EFHD1: variants seen among roughly 807,000 people sequenced by gnomAD.
EFHD1 encodes the protein EF-hand domain-containing protein D1.
Under a neutral mutation model 17.2 loss-of-function variants are expected in EFHD1, and 10 were observed. The ratio of observed to expected loss-of-function variants is 0.58; its 90% CI spans 0.36 to 0.99. The LOEUF is 0.99. Ranked by LOEUF, EFHD1 falls within the 50% of genes least tolerant of loss-of-function variation. The pLI is 0.01. For missense variants in EFHD1, 310 were observed against 327.5 expected (o/e 0.95, Z 0.41); for synonymous variants, 153 against 142.0 (o/e 1.08, Z -0.55).
At position 232,639,194 on chromosome 2, in the gene EFHD1, A is replaced by C. The variant is rs571382707; in HGVS notation, c.302+5188A>C. ...CACCATCCTTGTTACAGAGCCATCG[A>C]ATTTTATGAGAATTTGAATAATGGA... On this transcript the variant is annotated intron_variant, in intron 1 of 3. Transcript: ENST00000264059. 4.5e-4 allele frequency among the ~76,000 whole-genome samples: 69 copies of C among 152,232 alleles called. No individual in the cohort carries two copies. The South Asian group carries it at 0.013, about 29-fold the overall frequency.
intron 1 of EFHD1, among the ~76,000 whole-genome samples, chr2:232,660,355 C>G (rs940536665): frequency 2.0e-5 from 3 of 151,658 alleles, no homozygotes; most frequent in Non-Finnish European, 2.9e-5. Flanking sequence ...CCACCACGCC[C>G]GGCTCATTTT....
intron 1 of EFHD1, among the ~76,000 whole-genome samples, chr2:232,612,855 C>T (rs1057155137): frequency 6.6e-6 from 1 of 151,446 alleles, no homozygotes; most frequent in Non-Finnish European, 1.5e-5. Flanking sequence ...GCCTCAGCCT[C>T]CCAAGTAGGT....
At chr2:232,660,281 G>C (rs1050445711) in intron 1 of EFHD1, among the ~76,000 whole-genome samples, 1 of 151,616 alleles carries the variant, frequency 6.6e-6, no homozygotes, top group African/African-American at 2.4e-5. Flanking sequence ...TGCAAGCTCC[G>C]CCTCCTGGGT....
chr2:232,681,484 T>C lies in EFHD1; in HGVS notation c.586-101T>C, dbSNP rs965395031. 5 of 1,497,218 alleles carry C rather than the reference T, an allele frequency of 3.3e-6. No individual in the cohort carries two copies. In the African/African-American group the frequency reaches 7.0e-5, roughly 21 times the overall value. 92.7% of individuals were successfully genotyped at this position (1,497,218 alleles called of 1,614,324 possible). On this transcript the variant is annotated intron_variant, in intron 3 of 3. Coordinates refer to ENST00000264059, the MANE Select transcript of EFHD1 (RefSeq NM_025202.4). ...CCCTCCGTGGGCCCACATTCCCTTG[T>C]CTCTAGGTCTGCTGAATGGGCTGTT...
chr2:232,653,036 C>T (rs1420239969), intron 1 of EFHD1, among the ~76,000 whole-genome samples: 4 of 152,012 alleles, frequency 2.6e-5, no homozygotes, highest in African/African-American at 9.7e-5. Context: ...ACACTTTGCC[C>T]AGGCTAGAGT....
intron 2 of EFHD1, among the ~76,000 whole-genome samples, chr2:232,668,038 G>A (rs1393096584): frequency 6.6e-6 from 1 of 152,200 alleles, no homozygotes; most frequent in Non-Finnish European, 1.5e-5. Flanking sequence ...GTGTGAAAGG[G>A]CTTTTTAGCT....
At chr2:232,613,693 T>G (rs559169099) in intron 1 of EFHD1, among the ~76,000 whole-genome samples, 1 of 130,762 alleles carries the variant, frequency 7.6e-6, no homozygotes, top group Admixed American at 7.4e-5. Flanking sequence ...CATACACAAA[T>G]ATACACACAC....
intron 1 of EFHD1, chr2:232,606,253 A>G (rs1167628517): frequency 2.0e-6 from 3 of 1,487,478 alleles, no homozygotes; most frequent in Admixed American, 3.9e-5. Context: ...ACTCTGGTCC[A>G]GAATAGGTGC....
intron 1 of EFHD1, among the ~76,000 whole-genome samples, chr2:232,607,171 A>T (rs1693730535): frequency 6.6e-6 from 1 of 151,806 alleles, no homozygotes; most frequent in Non-Finnish European, 1.5e-5. Context: ...TTATTTCTAA[A>T]TGGCTCATGC....
intron 3 of EFHD1, among the ~76,000 whole-genome samples, chr2:232,680,844 A>G (rs956637768): frequency 6.6e-6 from 1 of 151,854 alleles, no homozygotes; most frequent in South Asian, 2.1e-4. Context: ...CCCCTTTGCC[A>G]TAGACAGATG....
chr2:232,637,266 C>T (rs950223852), intron 1 of EFHD1, among the ~76,000 whole-genome samples: 3 of 151,592 alleles, frequency 2.0e-5, no homozygotes, highest in African/African-American at 7.3e-5. Context: ...GTGGTATGGG[C>T]GCATCACCGT....
intron 1 of EFHD1, among the ~76,000 whole-genome samples, chr2:232,607,073 C>T (rs1256463025): frequency 6.6e-6 from 1 of 151,636 alleles, no homozygotes; most frequent in African/African-American, 2.4e-5. Context: ...CTCACTACAA[C>T]GTCCACCTCC....
At chr2:232,637,808 C>T (rs1191535867) in intron 1 of EFHD1, among the ~76,000 whole-genome samples, 8 of 152,068 alleles carry the variant, frequency 5.3e-5, no homozygotes, top group African/African-American at 7.2e-5. Flanking sequence ...ATGCTTTGAT[C>T]GTTTAAATTT....
chr2:232,662,431 G>T (rs942679895), intron 1 of EFHD1, among the ~76,000 whole-genome samples: 1 of 152,238 alleles, frequency 6.6e-6, no homozygotes, highest in East Asian at 1.9e-4. Context: ...CGTGCTGGGC[G>T]TCAGGGGCCA....
At chr2:232,647,643 C>CTTTTTTTTTTTT (rs79776217) in intron 1 of EFHD1, among the ~76,000 whole-genome samples, 8 of 141,542 alleles carry the variant, frequency 5.7e-5, no homozygotes, top group Non-Finnish European at 7.6e-5. Flanking sequence ...CCTGTTAGAA[C>CTTTTTTTTTTTT]TTTTTTTTTT....
intron 1 of EFHD1, among the ~76,000 whole-genome samples, chr2:232,658,770 C>T (rs1694807766): frequency 6.6e-6 from 1 of 152,130 alleles, no homozygotes; most frequent in African/African-American, 2.4e-5. Flanking sequence ...TGGGGAATGA[C>T]TGCTAATGGG....
At chr2:232,612,522 G>A (rs1030742573) in intron 1 of EFHD1, among the ~76,000 whole-genome samples, 1 of 151,914 alleles carries the variant, frequency 6.6e-6, no homozygotes. Flanking sequence ...CATGAAAAAC[G>A]GACCCCATCA....
chr2:232,612,715 T>C (rs1693832336), intron 1 of EFHD1, among the ~76,000 whole-genome samples: 1 of 150,736 alleles, frequency 6.6e-6, no homozygotes, highest in African/African-American at 2.5e-5. Context: ...AATAGTTTGG[T>C]AGTTTCTTTT....
upstream of EFHD1, among the ~76,000 whole-genome samples, chr2:232,629,601 T>A (rs1170428534): frequency 6.6e-6 from 1 of 152,036 alleles, no homozygotes; most frequent in Non-Finnish European, 1.5e-5. Context: ...CCCGAGTACC[T>A]GGGACTACAG....
Sources: gnomAD v4.1 joint callset for allele counts (sites outside exome capture counted in the v4.1 genomes callset) on GRCh38, gnomAD v4.1.1 for gene constraint, MANE v1.5 for transcripts, NCBI Gene and HGNC (gene_info 2026-07-23, HGNC 2026-07-21) for gene names.